The following TFEC variants were observed in gnomAD, a reference collection of about 807,000 sequenced individuals.
TFEC encodes the protein transcription factor EC.
A neutral mutation model predicts 41.6 loss-of-function variants in TFEC; 31 were observed. That is an observed-to-expected ratio of 0.74 (90% confidence interval 0.56 to 1.01). The LOEUF (loss-of-function observed/expected upper bound fraction) is 1.01, where lower values mean the gene tolerates loss of function less well. Among genes scored for constraint, TFEC ranks in the 50% least tolerant of loss-of-function variants. TFEC has a pLI of 0.00. For synonymous variants in TFEC, 143 were observed against 140.6 expected, an observed-to-expected ratio of 1.02 and a Z score of -0.12; for missense variants, 402 against 404.1, an observed-to-expected ratio of 0.99 and a Z score of 0.04.
chr7:116,105,167 T>C (rs1002812518), intron 3 of TFEC, among the ~76,000 whole-genome samples: 2 of 152,074 alleles, frequency 1.3e-5, no homozygotes, highest in Admixed American at 1.3e-4. Flanking sequence ...AGAAATCATA[T>C]GTTTTCTCCA....
intron 5 of TFEC, among the ~76,000 whole-genome samples, chr7:115,952,603 C>T (rs1792005305): frequency 6.6e-6 from 1 of 151,992 alleles, no homozygotes; most frequent in South Asian, 2.1e-4. Flanking sequence ...TTCTTCTCTA[C>T]TCTTCTTAGG....
upstream of TFEC, among the ~76,000 whole-genome samples, chr7:116,031,308 C>T: frequency 6.6e-6 from 1 of 152,080 alleles, no homozygotes; most frequent in Non-Finnish European, 1.5e-5. Context: ...AATATTTTAT[C>T]TTCCCATGTA....
chr7:116,085,451 C>G (rs1001480075), intron 3 of TFEC, among the ~76,000 whole-genome samples: 1 of 151,718 alleles, frequency 6.6e-6, no homozygotes, highest in African/African-American at 2.4e-5. Context: ...ACCCATAAAA[C>G]TTCGCTTAAA....
intron 3 of TFEC, among the ~76,000 whole-genome samples, chr7:115,969,019 C>T (rs533261801): frequency 6.6e-6 from 1 of 151,696 alleles, no homozygotes; most frequent in African/African-American, 2.4e-5. Flanking sequence ...TTATTGTTGT[C>T]TTTATTCTTG....
intron 1 of TFEC, among the ~76,000 whole-genome samples, chr7:116,131,451 T>C (rs1411653905): frequency 6.6e-6 from 1 of 152,206 alleles, no homozygotes; most frequent in Non-Finnish European, 1.5e-5. Context: ...CACAAAGATA[T>C]CATGAAAGTT....
intron 1 of TFEC, among the ~76,000 whole-genome samples, chr7:116,137,648 T>C (rs183045453): frequency 1.7e-3 from 255 of 152,244 alleles, no homozygotes; most frequent in Middle Eastern, 6.8e-3. Context: ...ATTGAGAGTT[T>C]AACTGAATTC....
intron 3 of TFEC, among the ~76,000 whole-genome samples, chr7:116,049,396 A>C (rs953603481): frequency 2.0e-5 from 3 of 152,246 alleles, no homozygotes; most frequent in African/African-American, 7.2e-5. Context: ...TCATTACATA[A>C]TGGTAAAGGG....
intron 3 of TFEC, among the ~76,000 whole-genome samples, chr7:115,959,424 C>G (rs184039175): frequency 2.0e-5 from 3 of 151,824 alleles, no homozygotes; most frequent in African/African-American, 7.2e-5. Context: ...CATCTCCACG[C>G]TGAAGTCATA....
At chr7:116,034,847 C>T (rs868656304), upstream of TFEC, among the ~76,000 whole-genome samples, 2 of 151,880 alleles carry the variant, frequency 1.3e-5, no homozygotes, top group Non-Finnish European at 2.9e-5. Flanking sequence ...GTCTAAGGTC[C>T]TAGGCCTACA....
At chr7:115,950,077 T>C (rs142869041) in intron 6 of TFEC, among the ~76,000 whole-genome samples, 1,628 of 150,860 alleles carry the variant, frequency 0.011, 29 homozygotes, top group African/African-American at 0.038. Context: ...AGTGGCATGA[T>C]CTTAGCTCAA....
intron 3 of TFEC, among the ~76,000 whole-genome samples, chr7:116,099,252 G>A (rs1404638469): frequency 6.6e-6 from 1 of 152,130 alleles, no homozygotes; most frequent in African/African-American, 2.4e-5. Flanking sequence ...TTTCTACACA[G>A]TTCTCTTCTC....
Position 115,984,421 on chromosome 7 carries a change from G to A in TFEC, c.21C>T (p.Ile7=), listed in dbSNP as rs772253177. The change falls in exon 2 of 8, where the codon ATC becomes ATT. Residue 7 remains isoleucine, a synonymous_variant. Transcript: ENST00000265440. MTLDHQ[I]INPTLKWSQP... ...GTGACCATTTAAGAGTTGGATTGAT[G>A]ATCTGATGATCAAGGGTCATGAAAG... 6.2e-7 allele frequency: 1 copy of A among 1,614,104 alleles called. No individual in the cohort carries two copies. The highest frequency in any genetic ancestry group is 8.5e-7 in the Non-Finnish European group (1 of 1,179,976).
chr7:115,989,754 C>A (rs1794022949), intron 1 of TFEC, among the ~76,000 whole-genome samples: 1 of 152,196 alleles, frequency 6.6e-6, no homozygotes, highest in South Asian at 2.1e-4. Flanking sequence ...GAGTGCACCA[C>A]AGCTCAAGGA....
intron 3 of TFEC, among the ~76,000 whole-genome samples, chr7:115,966,807 C>G (rs1355179357): frequency 6.6e-6 from 1 of 151,656 alleles, no homozygotes; most frequent in African/African-American, 2.4e-5. Flanking sequence ...ACCAATGTCC[C>G]CATTCCTTCA....
chr7:115,968,172 T>C, intron 3 of TFEC: 1 of 1,524,532 alleles, frequency 6.6e-7, no homozygotes, highest in Non-Finnish European at 8.8e-7. Flanking sequence ...AATTCCAAAA[T>C]ATACTTGCTC....
chr7:116,112,201 T>C (rs1057376303), intron 1 of TFEC, among the ~76,000 whole-genome samples: 2 of 152,064 alleles, frequency 1.3e-5, no homozygotes, highest in Non-Finnish European at 2.9e-5. Context: ...TAGGAGCATG[T>C]GTCTCCAAAA....
At chr7:115,998,942 T>C (rs1022914014) in intron 1 of TFEC, among the ~76,000 whole-genome samples, 7 of 151,852 alleles carry the variant, frequency 4.6e-5, no homozygotes, top group Non-Finnish European at 7.4e-5. Context: ...AGAAAATCAA[T>C]AAAGAAACAT....
intron 3 of TFEC, among the ~76,000 whole-genome samples, chr7:116,039,867 G>C (rs577489795): frequency 3.5e-4 from 53 of 152,032 alleles, no homozygotes; most frequent in Admixed American, 1.6e-3. Context: ...CACACTTCTT[G>C]TTTGAATTTA....
intron 3 of TFEC, among the ~76,000 whole-genome samples, chr7:116,097,088 C>CA (rs756277610): frequency 0.018 from 1,992 of 111,080 alleles, 29 homozygotes; most frequent in African/African-American, 0.05. Flanking sequence ...CACTCTGTTT[C>CA]AAAAAAAAAA....
Sources: allele counts gnomAD v4.1 joint callset (sites outside exome capture counted in the v4.1 genomes callset), GRCh38; gene constraint gnomAD v4.1.1; transcripts MANE v1.5; gene names NCBI Gene and HGNC (gene_info 2026-07-23, HGNC 2026-07-21).